Variants in FLYWCH1 observed in about 807,000 individuals in gnomAD.
FLYWCH1 encodes FLYWCH-type zinc finger 1.
Under a neutral mutation model 66.4 loss-of-function variants are expected in FLYWCH1, and 75 were observed. The observed-to-expected ratio is 1.13, with a 90% confidence interval of 0.94 to 1.37. FLYWCH1 has a LOEUF of 1.37. FLYWCH1 is among the 40% of genes most tolerant of loss of function. The pLI, the probability that FLYWCH1 is intolerant of heterozygous loss-of-function variation, is 0.00. For missense variants in FLYWCH1, 1,334 were observed against 1,001.8 expected (o/e 1.33, Z -4.48); for synonymous variants, 595 against 429.9 (o/e 1.38, Z -4.75).
intron 9 of FLYWCH1, among the ~76,000 whole-genome samples, chr16:2,940,987 C>A (rs2071239387): frequency 6.6e-6 from 1 of 152,108 alleles, no homozygotes; most frequent in South Asian, 2.1e-4. Flanking sequence ...AAAAATTAGT[C>A]AGGCATGGTG....
At chr16:2,939,892 T>G (rs754095064) in intron 8 of FLYWCH1, 140 bp from the exon 9 acceptor site, 12 of 946,064 alleles carry the variant, frequency 1.3e-5, no homozygotes, top group Non-Finnish European at 1.8e-5. Flanking sequence ...ATTGATGCGT[T>G]GAATTCCCAG....
chr16:2,922,777 C>T (rs1007045100), intron 2 of FLYWCH1: 8 of 520,722 alleles, frequency 1.5e-5, no homozygotes, highest in African/African-American at 3.9e-5. Flanking sequence ...ACAACCACCT[C>T]ACAGAGTTCT....
Position 2,948,671 on chromosome 16 carries a change from T to C in FLYWCH1, c.2112-17T>C, listed in dbSNP as rs1333841681. ...TGTTTTGATGTGTGCAATGAACATG[T>C]GTCTCTTTGTAATTAGGGACATCAA... On this transcript the variant is annotated splice_polypyrimidine_tract_variant and intron_variant, in intron 9 of 9. Coordinates refer to ENST00000253928, the MANE Select transcript of FLYWCH1 (RefSeq NM_001308068.2). 1.9e-6 allele frequency: 3 copies of C among 1,612,862 alleles called. No individual in the cohort carries two copies. Among genetic ancestry groups the C allele is most frequent in the Non-Finnish European group, 2.5e-6 (3 of 1,179,016 alleles).
intron 2 of FLYWCH1, among the ~76,000 whole-genome samples, chr16:2,925,606 A>C: frequency 6.8e-6 from 1 of 147,336 alleles, no homozygotes; most frequent in Admixed American, 6.9e-5. Context: ...TTTCCGCCCT[A>C]ACCTTTTCCT....
At chr16:2,927,844 C>T (rs1386703386) in intron 2 of FLYWCH1, among the ~76,000 whole-genome samples, 5 of 152,174 alleles carry the variant, frequency 3.3e-5, no homozygotes, top group South Asian at 2.1e-4. Context: ...AAACAGTGGG[C>T]CCAGGAGATG....
chr16:2,933,541 CCGAGG>C lies in FLYWCH1; in HGVS notation c.1210_1214del (p.Glu404ProfsTer15). On this transcript the variant is annotated frameshift_variant, in exon 5 of 10. Coordinates refer to ENST00000253928, the MANE Select transcript of FLYWCH1 (RefSeq NM_001308068.2). LOFTEE classifies it high-confidence loss of function. The stretch of plus-strand genomic sequence containing the variant: ...GAAGACCAGGAGCTGCCAACCCAGC[CCGAGG>C]CCCCAGACGAGCACCAGGACATGGA... The C allele has an allele frequency of 1.9e-6, 3 of 1,608,430 alleles. No individual in the cohort carries two copies. The highest frequency in any genetic ancestry group is 2.5e-6 in the Non-Finnish European group (3 of 1,177,256).
intron 2 of FLYWCH1, chr16:2,922,228 C>G (rs891669522): frequency 2.3e-4 from 14 of 60,174 alleles, no homozygotes; most frequent in African/African-American, 1.8e-3. Context: ...TTACAGATGG[C>G]TCGTGTGTGT....
intron 9 of FLYWCH1, among the ~76,000 whole-genome samples, chr16:2,946,514 G>A (rs2071493611): frequency 6.6e-6 from 1 of 151,624 alleles, no homozygotes; most frequent in Non-Finnish European, 1.5e-5. Flanking sequence ...GTAGAGATGG[G>A]GTTTCACCAT....
chr16:2,938,717 A>G (rs1239608352), intron 8 of FLYWCH1, among the ~76,000 whole-genome samples: 1 of 91,168 alleles, frequency 1.1e-5, no homozygotes, highest in African/African-American at 2.9e-5. Context: ...GGTTCACACC[A>G]TTCTCCTGCC....
At chr16:2,945,483 C>T (rs774652382) in intron 9 of FLYWCH1, among the ~76,000 whole-genome samples, 53 of 70,964 alleles carry the variant, frequency 7.5e-4, no homozygotes, top group South Asian at 1.6e-3. Context: ...GAGACTCCAT[C>T]TCAAAAAAAA....
intron 2 of FLYWCH1, among the ~76,000 whole-genome samples, 169 bp downstream of exon 2, chr16:2,914,458 A>G (rs898066057): frequency 1.3e-5 from 2 of 152,244 alleles, no homozygotes; most frequent in African/African-American, 4.8e-5. Context: ...GCGTCCCAGT[A>G]GGCCATCTGG....
chr16:2,912,751 C>T (rs988722195), intron 1 of FLYWCH1, among the ~76,000 whole-genome samples: 1 of 152,206 alleles, frequency 6.6e-6, no homozygotes, highest in Admixed American at 6.5e-5. Flanking sequence ...AAGGCTGCTG[C>T]TAACCCATGG....
intron 8 of FLYWCH1, 21 bp from the exon 9 acceptor site, chr16:2,940,011 T>A (rs749924310): frequency 6.3e-7 from 1 of 1,588,128 alleles, no homozygotes; most frequent in African/African-American, 1.4e-5. Flanking sequence ...TTAATTCATA[T>A]TTTCAATTAT....
intron 7 of FLYWCH1, among the ~76,000 whole-genome samples, chr16:2,937,681 G>A (rs879251564): frequency 6.6e-6 from 1 of 152,118 alleles, no homozygotes; most frequent in East Asian, 1.9e-4. Flanking sequence ...TCTGCTGACG[G>A]GCCGTACGGT....
chr16:2,942,003 A>C (rs1387984523), intron 9 of FLYWCH1, among the ~76,000 whole-genome samples: 1 of 150,222 alleles, frequency 6.7e-6, no homozygotes, highest in African/African-American at 2.4e-5. Context: ...CTCAAAAAAA[A>C]AAAAAAAAAA....
At chr16:2,931,305 T>TAAAAAAA (rs150704073) in intron 4 of FLYWCH1, among the ~76,000 whole-genome samples, 10 of 87,464 alleles carry the variant, frequency 1.1e-4, no homozygotes, top group Non-Finnish European at 1.7e-4. Context: ...TCCATCTCAG[T>TAAAAAAA]AAAAAAAAAA....
intron 2 of FLYWCH1, among the ~76,000 whole-genome samples, chr16:2,916,251 A>C (rs2070163505): frequency 6.6e-6 from 1 of 152,184 alleles, no homozygotes; most frequent in Non-Finnish European, 1.5e-5. Context: ...AAGCTGAGTC[A>C]GGATAATTAA....
rs576213066 is a variant in FLYWCH1 at position 2,924,919 on chromosome 16, A to G, written c.-73-4694A>G. Reference sequence around the variant, plus strand: ...AACAGAAGTGGGAAGTGGTCGCCAGAGGACTGCGCTCTCTCCTGTCACTTC... The same window carrying G: ...AACAGAAGTGGGAAGTGGTCGCCAGGGGACTGCGCTCTCTCCTGTCACTTC... On this transcript the variant is annotated intron_variant, in intron 2 of 9. Coordinates refer to ENST00000253928, the MANE Select transcript of FLYWCH1 (RefSeq NM_001308068.2). 7.2e-5 allele frequency among the ~76,000 whole-genome samples: 11 copies of G among 152,324 alleles called. No homozygotes were observed. The South Asian group carries it at 2.3e-3, about 32-fold the overall frequency.
intron 2 of FLYWCH1, chr16:2,915,407 G>A (rs1223961182): frequency 1.3e-5 from 2 of 152,160 alleles, no homozygotes; most frequent in African/African-American, 4.8e-5. Context: ...TGTATTTTTA[G>A]TAGAGACAGG....
Sources: gnomAD v4.1 joint callset for allele counts (sites outside exome capture counted in the v4.1 genomes callset) on GRCh38, gnomAD v4.1.1 for gene constraint, MANE v1.5 for transcripts, NCBI Gene and HGNC (gene_info 2026-07-23, HGNC 2026-07-21) for gene names.